CYP39A1: variants seen among roughly 807,000 people sequenced by gnomAD.
CYP39A1 encodes 24-hydroxycholesterol 7-alpha-hydroxylase.
Under a neutral mutation model 58.1 loss-of-function variants are expected in CYP39A1, and 49 were observed. The ratio of observed to expected loss-of-function variants is 0.84; its 90% confidence interval spans 0.67 to 1.07. CYP39A1 has a LOEUF of 1.07. Among genes scored for constraint, CYP39A1 ranks in the 50% least tolerant of loss-of-function variants. CYP39A1 has a pLI of 0.00. For missense variants in CYP39A1, 531 were observed against 539.4 expected, an observed-to-expected ratio of 0.98 and a Z score of 0.16; for synonymous variants, 209 against 187.6, an observed-to-expected ratio of 1.11 and a Z score of -0.93.
At chr6:46,553,727 T>G (rs1307674487) in intron 11 of CYP39A1, 40 bp downstream of exon 11, 4 of 1,364,742 alleles carry the variant, frequency 2.9e-6, no homozygotes, top group Non-Finnish European at 1.0e-6. Context: ...ATGTCATATT[T>G]ATAAGTAGTC....
rs935916531 is a variant in CYP39A1, at chr6:46,639,625, G to C, written c.357C>G (p.Leu119=). 1.9e-6 allele frequency: 3 copies of C among 1,613,866 alleles called. No individual in the cohort carries two copies. Among genetic ancestry groups the C allele is most frequent in the Non-Finnish European group, 2.5e-6 (3 of 1,179,904 alleles). The part of the protein sequence containing the change: ...KNVFLALHEK[L]YIMLKGKMGT... ...CCATTTTCCCTTTCAACATAATATA[G>C]AGTTTTTCATGCAGTGCTAAAAAGA... is the stretch of plus-strand genomic sequence containing the variant. Residue 119 remains leucine, a synonymous_variant, in exon 3 of 12, where the codon CTC becomes CTG. Coordinates refer to ENST00000275016, the MANE Select transcript of CYP39A1 (RefSeq NM_016593.5).
At chr6:46,645,252 C>A (rs1293724568) in intron 1 of CYP39A1, among the ~76,000 whole-genome samples, 1 of 152,104 alleles carries the variant, frequency 6.6e-6, no homozygotes, top group African/African-American at 2.4e-5. Flanking sequence ...TTTCTTTCTA[C>A]AGGTTTTATA....
intron 7 of CYP39A1, among the ~76,000 whole-genome samples, chr6:46,613,789 A>G (rs1774360812): frequency 6.6e-6 from 1 of 151,650 alleles, no homozygotes; most frequent in African/African-American, 2.4e-5. Context: ...AAATTACTTT[A>G]TAACACAGCC....
In CYP39A1 at chr6:46,630,995, G is replaced by A. The variant is rs1464489687; in HGVS notation, c.808C>T (p.Leu270=). ...GCATTAGACAGAGAAGCCCAAAGCA[G>A]TAAGAGCCCATAATTGGGTGAGTTT... ...KENSPNYGLL[L]LWASLSNAVP... Residue 270 remains leucine (L), a synonymous_variant, in exon 6 of 12, where the codon CTG becomes TTG. Transcript: ENST00000275016. 12 of 1,613,910 alleles carry A rather than the reference G, an allele frequency of 7.4e-6. No individual in the cohort carries two copies. Among genetic ancestry groups the A allele is most frequent in the Non-Finnish European group, 1.0e-5 (12 of 1,179,970 alleles).
intron 10 of CYP39A1, among the ~76,000 whole-genome samples, chr6:46,565,856 C>T (rs1771246264): frequency 6.6e-6 from 1 of 152,186 alleles, no homozygotes; most frequent in South Asian, 2.1e-4. Context: ...TTACCCTATG[C>T]TTATGAAACC....
chr6:46,580,938 C>G (rs907492441), intron 10 of CYP39A1, among the ~76,000 whole-genome samples: 1 of 152,080 alleles, frequency 6.6e-6, no homozygotes, highest in African/African-American at 2.4e-5. Flanking sequence ...AAAAGCAGTT[C>G]GGAGATTTCT....
At chr6:46,550,574 T>G in intron 11 of CYP39A1, 137 bp from the exon 12 acceptor site, 1 of 636,188 alleles carries the variant, frequency 1.6e-6, no homozygotes, top group Non-Finnish European at 2.6e-6. Context: ...TTTGCATCAA[T>G]GAACTTCACA....
rs1482787962 is a variant in CYP39A1, at chr6:46,644,837, G to T, written c.178-2539C>A. 2.6e-5 allele frequency among the ~76,000 whole-genome samples: 4 copies of T among 152,124 alleles called. No homozygotes were observed. The East Asian group carries it at 7.7e-4, about 29-fold the overall frequency. Reference sequence around the variant, plus strand: ...TTGCAATTTTTATCTTTGCCGTTCTGATAGATGTGTAGTAGTATCTCATGA... The same window carrying T: ...TTGCAATTTTTATCTTTGCCGTTCTTATAGATGTGTAGTAGTATCTCATGA... On this transcript the variant is annotated intron_variant, in intron 1 of 11. Transcript: ENST00000275016.
chr6:46,639,401 C>T, intron 3 of CYP39A1, 93 bp downstream of exon 3: 1 of 1,228,700 alleles, frequency 8.1e-7, no homozygotes, highest in South Asian at 1.4e-5. Context: ...TTTCATTAAT[C>T]AACCTGACAA....
rs75188028 is a variant in CYP39A1, at chr6:46,625,342, G to T, written c.931+76C>A. 298 of 943,410 alleles carry T rather than the reference G, an allele frequency of 3.2e-4. No individual in the cohort carries two copies. The African/African-American group carries it at 4.3e-3, about 13-fold the overall frequency. 58.4% of individuals were successfully genotyped at this position (943,410 alleles called of 1,614,324 possible). A position where few individuals can be genotyped will look rare whatever the true frequency, so the allele number is the denominator to read the frequency against. ...TATGTTGAATTTTTATAAAATTATAGGTATTTAGCTTTGCCAATAATGTGT... is the reference window on the plus strand; with the variant it reads ...TATGTTGAATTTTTATAAAATTATATGTATTTAGCTTTGCCAATAATGTGT... On this transcript the variant is annotated intron_variant, in intron 7 of 11. Transcript: ENST00000275016.
chr6:46,639,335 C>CAA (rs530845139), intron 3 of CYP39A1, among the ~76,000 whole-genome samples, 159 bp downstream of exon 3: 1,340 of 95,462 alleles, frequency 0.014, 17 homozygotes, highest in African/African-American at 0.037. Context: ...GACTCTATCT[C>CAA]AAAAAAAAAT....
intron 8 of CYP39A1, among the ~76,000 whole-genome samples, chr6:46,592,473 G>A (rs777163689): frequency 1.3e-4 from 20 of 152,038 alleles, no homozygotes; most frequent in Non-Finnish European, 2.2e-4. Flanking sequence ...TTATACTAAG[G>A]AAATAATTAG....
rs773329565 is a variant in CYP39A1, at chr6:46,631,068, T to A, written c.735A>T (p.Thr245=). The A allele has an allele frequency of 1.2e-6, 2 of 1,611,618 alleles. No homozygotes were observed. The highest frequency in any genetic ancestry group is 1.1e-5 in the South Asian group (1 of 90,840). The part of the protein sequence containing the change: ...ACKSAKDNSM[T]LLQATLDIVE... ...CAATATCCAGCGTAGCTTGCAATAA[T>A]GTCTGTTTAAAAGAAATAAACATTG... The change falls in exon 6 of 12, where the codon ACA becomes ACT. Residue 245 remains threonine (T), a splice_region_variant and synonymous_variant. Transcript: ENST00000275016.
chr6:46,550,994 A>C (rs1433113612), intron 11 of CYP39A1, among the ~76,000 whole-genome samples: 1 of 152,182 alleles, frequency 6.6e-6, no homozygotes, highest in Non-Finnish European at 1.5e-5. Flanking sequence ...ATAAGATATG[A>C]AACTGTGTAG....
intron 10 of CYP39A1, among the ~76,000 whole-genome samples, chr6:46,584,801 A>C (rs1772366967): frequency 6.6e-6 from 1 of 152,118 alleles, no homozygotes; most frequent in Non-Finnish European, 1.5e-5. Flanking sequence ...GTCTCCCGCC[A>C]CTTTCCCCAG....
chr6:46,600,191 C>T (rs926286772), intron 7 of CYP39A1, among the ~76,000 whole-genome samples: 2 of 151,752 alleles, frequency 1.3e-5, no homozygotes, highest in Non-Finnish European at 2.9e-5. Context: ...TGCAGTGGAG[C>T]GATCTTGGCT....
In CYP39A1 at chr6:46,616,531, C is replaced by A. The variant is rs370372359; in HGVS notation, c.931+8887G>T. ...TATAGGCATGAGCCATCATGCCCAC[C>A]CATTTATCACCTTTTAATATTTTTA... On this transcript the variant is annotated intron_variant, in intron 7 of 11. Transcript: ENST00000275016. Among the ~76,000 whole-genome samples the A allele has an allele frequency of 4.2e-4, 64 of 151,912 alleles. No homozygotes were observed. In the East Asian group the frequency reaches 5.3e-3, roughly 13 times the overall value.
At position 46,564,178 on chromosome 6, in the gene CYP39A1, T is replaced by C. The variant is rs1479929073; in HGVS notation, c.1251-10324A>G. Among the ~76,000 whole-genome samples, 3 of 132,350 alleles carry C rather than the reference T, an allele frequency of 2.3e-5. 1 individual carries two copies. Among genetic ancestry groups the C allele is most frequent in the Admixed American group, 2.3e-4 (3 of 13,314 alleles). 86.8% of individuals were successfully genotyped at this position (132,350 alleles called of 152,430 possible). On this transcript the variant is annotated intron_variant, in intron 10 of 11. Coordinates refer to ENST00000275016, the MANE Select transcript of CYP39A1 (RefSeq NM_016593.5). Reference sequence around the variant, plus strand: ...CTATTTTATTCTATTTTATTCTATTTTATTCTATTTTATTTTATTTTATTT... The same window carrying C: ...CTATTTTATTCTATTTTATTCTATTCTATTCTATTTTATTTTATTTTATTT...
chr6:46,601,758 T>C (rs1773522319), intron 7 of CYP39A1, among the ~76,000 whole-genome samples: 1 of 151,544 alleles, frequency 6.6e-6, no homozygotes, highest in Non-Finnish European at 1.5e-5. Context: ...TGACCTCAGG[T>C]GATCCGCCCA....
Sources: gnomAD v4.1 joint callset for allele counts (sites outside exome capture counted in the v4.1 genomes callset) on GRCh38, gnomAD v4.1.1 for gene constraint, MANE v1.5 for transcripts, NCBI Gene and HGNC (gene_info 2026-07-23, HGNC 2026-07-21) for gene names.